PLXNA4: variants seen among roughly 807,000 people sequenced by gnomAD.
The protein encoded by PLXNA4 is plexin A4.
A neutral mutation model predicts 191.8 loss-of-function variants in PLXNA4; 44 were observed. The ratio of observed to expected loss-of-function variants is 0.23; its 90% CI spans 0.18 to 0.29. The LOEUF is 0.29. Ranked by LOEUF, PLXNA4 falls within the 10% of genes least tolerant of loss-of-function variation. The pLI is 1.00. For synonymous variants in PLXNA4, 1,082 were observed against 1,009.5 expected (o/e 1.07, Z -1.36); for missense variants, 1,800 against 2,488.8 (o/e 0.72, Z 5.89).
rs567717208 is a variant in PLXNA4, at chr7:132,343,399, C to T, written c.1372-45177G>A. Among the ~76,000 whole-genome samples, 6 of 152,322 alleles carry T rather than the reference C, an allele frequency of 3.9e-5. No individual in the cohort carries two copies. The South Asian group carries it at 1.2e-3, about 32-fold the overall frequency. ...ACTCTACACTCATTAAATAACTGCT[C>T]CCCTTTCCCCTCCCACAAGGTCCTG... On this transcript the variant is annotated intron_variant, in intron 3 of 31. Transcript: ENST00000321063.
intron 13 of PLXNA4, among the ~76,000 whole-genome samples, chr7:132,196,542 T>C (rs1797260232): frequency 6.6e-6 from 1 of 152,234 alleles, no homozygotes; most frequent in Admixed American, 6.5e-5. Context: ...TTTTTACACA[T>C]GTAAATCACT....
chr7:132,182,169 T>C lies in PLXNA4; in HGVS notation c.3180A>G (p.Val1060=), dbSNP rs751153517. ...GTATGAGGTCCAGGTGGGTCCCCCA[T>C]ACGGCGATGGGTGTGTTTCCACTGA... is the stretch of plus-strand genomic sequence containing the variant. ...SIVSGNTPIA[V]WGTHLDLIQN... is the part of the protein sequence containing the mutation. The change falls in exon 17 of 32, where the codon GTA becomes GTG. Residue 1060 remains valine (V), a synonymous_variant. Transcript: ENST00000321063. The C allele has an allele frequency of 2.2e-5, 35 of 1,614,036 alleles. No homozygotes were observed. The South Asian group carries it at 3.7e-4, about 17-fold the overall frequency.
intron 1 of PLXNA4, among the ~76,000 whole-genome samples, chr7:132,533,633 T>C (rs1329698464): frequency 2.6e-5 from 4 of 152,256 alleles, no homozygotes; most frequent in Admixed American, 2.6e-4. Flanking sequence ...TCTAAGAAAC[T>C]GCAGCTGCCC....
At chr7:132,313,487 A>C (rs1801825957) in intron 3 of PLXNA4, among the ~76,000 whole-genome samples, 5 of 152,150 alleles carry the variant, frequency 3.3e-5, no homozygotes, top group Admixed American at 3.3e-4. Context: ...AGGGAGAAGG[A>C]GATGGGGCTT....
At chr7:132,543,038 G>T (rs2116515666) in intron 1 of PLXNA4, among the ~76,000 whole-genome samples, 1 of 152,176 alleles carries the variant, frequency 6.6e-6, no homozygotes, top group African/African-American at 2.4e-5. Context: ...TTCCTTGTGT[G>T]TCAGCTTATC....
chr7:132,135,552 C>A (rs1244898849), intron 30 of PLXNA4, among the ~76,000 whole-genome samples: 1 of 152,168 alleles, frequency 6.6e-6, no homozygotes, highest in Non-Finnish European at 1.5e-5. Context: ...AGTGAAGAGA[C>A]CATCACTAGG....
Position 132,318,599 on chromosome 7 carries a change from A to G in PLXNA4, c.1372-20377T>C, listed in dbSNP as rs561361744. 2.1e-4 allele frequency among the ~76,000 whole-genome samples: 32 copies of G among 151,572 alleles called. No homozygotes were observed. The South Asian group carries it at 6.5e-3, about 31-fold the overall frequency. On this transcript the variant is annotated intron_variant, in intron 3 of 31. Transcript: ENST00000321063. Reference sequence around the variant, plus strand: ...CTTTACCTCCTGTGTTTACCGGAAAACAGGAAGGAAGGAGGGAAGAGGAAG... The same window carrying G: ...CTTTACCTCCTGTGTTTACCGGAAAGCAGGAAGGAAGGAGGGAAGAGGAAG...
intron 1 of PLXNA4, among the ~76,000 whole-genome samples, chr7:132,564,235 TTCCTCCTCCTCCTTCTGCTTC>T (rs1563177653): frequency 1.0e-5 from 1 of 98,594 alleles, no homozygotes; most frequent in Non-Finnish European, 1.9e-5. Flanking sequence ...CCTCCTCCTC[TTCCTCCTCCTCCTTCTGCTTC>T]TCCTCCTCCT....
chr7:132,423,951 C>A (rs1447915638), intron 3 of PLXNA4, among the ~76,000 whole-genome samples: 1 of 152,186 alleles, frequency 6.6e-6, no homozygotes, highest in Non-Finnish European at 1.5e-5. Flanking sequence ...TTGAACCAGG[C>A]GGGGCTGCAT....
intron 3 of PLXNA4, among the ~76,000 whole-genome samples, chr7:132,368,678 C>T (rs976867736): frequency 4.6e-5 from 7 of 152,214 alleles, no homozygotes; most frequent in African/African-American, 1.7e-4. Flanking sequence ...GGGCACCATG[C>T]CCGTCCCCAT....
intron 2 of PLXNA4, among the ~76,000 whole-genome samples, chr7:132,594,338 G>A (rs1333269714): frequency 6.6e-6 from 1 of 152,180 alleles, no homozygotes; most frequent in African/African-American, 2.4e-5. Flanking sequence ...AGAAAGGCTT[G>A]AAACAACCTC....
At chr7:132,181,690 G>T in intron 17 of PLXNA4, 70 bp from the exon 18 acceptor site, 1 of 1,575,624 alleles carries the variant, frequency 6.3e-7, no homozygotes, top group Non-Finnish European at 8.6e-7. Flanking sequence ...TGCACATAGT[G>T]GGCCTCCCTG....
chr7:132,287,781 C>T (rs901109731), intron 4 of PLXNA4, among the ~76,000 whole-genome samples: 1 of 152,148 alleles, frequency 6.6e-6, no homozygotes, highest in Non-Finnish European at 1.5e-5. Flanking sequence ...CTGGTGCCAC[C>T]CAGGGCTCCA....
chr7:132,459,327 T>A lies in PLXNA4; in HGVS notation c.1371+29965A>T, dbSNP rs1796417735. 2.0e-5 allele frequency among the ~76,000 whole-genome samples: 3 copies of A among 152,112 alleles called. No individual in the cohort carries two copies. The South Asian group carries it at 6.2e-4, about 32-fold the overall frequency. The stretch of plus-strand genomic sequence containing the variant: ...ACTGCTAATTTTAACACCAACAAGA[T>A]CTTACATTCGGGGAAACGATCTCCC... On this transcript the variant is annotated intron_variant, in intron 3 of 31. Coordinates refer to ENST00000321063, the MANE Select transcript of PLXNA4 (RefSeq NM_020911.2).
At chr7:132,223,446 C>T (rs2116956471) in intron 9 of PLXNA4, 81 bp downstream of exon 9, 1 of 1,244,504 alleles carries the variant, frequency 8.0e-7, no homozygotes, top group Non-Finnish European at 1.2e-6. Context: ...CCTTTGGTTT[C>T]TCCTCTTAAG....
intron 20 of PLXNA4, 142 bp downstream of exon 20, chr7:132,179,545 C>T (rs928490400): frequency 3.2e-5 from 38 of 1,191,028 alleles, no homozygotes; most frequent in East Asian, 5.4e-5. Flanking sequence ...ACACACACAC[C>T]GCCAGCCTCC....
intron 3 of PLXNA4, among the ~76,000 whole-genome samples, chr7:132,349,784 TA>T (rs941196363): frequency 1.3e-4 from 19 of 151,582 alleles, no homozygotes; most frequent in African/African-American, 2.9e-4. Flanking sequence ...TTCTTATTAA[TA>T]AAAAAAAATA....
intron 3 of PLXNA4, among the ~76,000 whole-genome samples, chr7:132,353,037 G>A (rs530143539): frequency 1.1e-4 from 17 of 152,140 alleles, no homozygotes; most frequent in Admixed American, 3.9e-4. Flanking sequence ...TGTGAACGTC[G>A]CCTGCTCCCA....
intron 10 of PLXNA4, among the ~76,000 whole-genome samples, chr7:132,206,437 G>GGTGTGTGTGTGTGTGT (rs61032250): frequency 6.7e-6 from 1 of 148,334 alleles, no homozygotes; most frequent in African/African-American, 2.5e-5. Context: ...TATGTTTTCT[G>GGTGTGTGTGTGTGTGT]GTGTGTGTGT....
Sources: gnomAD v4.1 joint callset for allele counts (sites outside exome capture counted in the v4.1 genomes callset) on GRCh38, gnomAD v4.1.1 for gene constraint, MANE v1.5 for transcripts, NCBI Gene and HGNC (gene_info 2026-07-23, HGNC 2026-07-21) for gene names.